The following RBFOX1 variants were observed in gnomAD, a reference collection of about 807,000 sequenced individuals.
The protein encoded by RBFOX1 is RNA binding protein fox-1 homolog 1.
A neutral mutation model predicts 57.7 loss-of-function variants in RBFOX1; 8 were observed. The ratio of observed to expected loss-of-function variants is 0.14; its 90% confidence interval spans 0.08 to 0.25. RBFOX1 has a LOEUF of 0.25. Ranked by LOEUF, RBFOX1 falls within the 10% of genes least tolerant of loss-of-function variation. The probability of loss-of-function intolerance (pLI) is 1.00; values close to 1 mark genes in which losing one functional copy is unlikely to be tolerated. For missense variants in RBFOX1, 611 were observed against 548.5 expected, an observed-to-expected ratio of 1.11 and a Z score of -1.14; for synonymous variants, 326 against 222.4, an observed-to-expected ratio of 1.47 and a Z score of -4.15.
chr16:7,528,468 A>T (rs1432219914), intron 5 of RBFOX1, among the ~76,000 whole-genome samples: 1 of 152,142 alleles, frequency 6.6e-6, no homozygotes. Flanking sequence ...CCCATTAAGC[A>T]ATTTTATTTT....
intron 3 of RBFOX1, among the ~76,000 whole-genome samples, chr16:6,662,106 G>A (rs2098705040): frequency 7.0e-6 from 1 of 143,364 alleles, no homozygotes; most frequent in Non-Finnish European, 1.5e-5. Context: ...GCAGAGAGTA[G>A]GATGGTGGTT....
chr16:6,972,276 A>T (rs2085745906), intron 3 of RBFOX1, among the ~76,000 whole-genome samples: 1 of 151,918 alleles, frequency 6.6e-6, no homozygotes, highest in Admixed American at 6.6e-5. Flanking sequence ...GCCCCTGGTA[A>T]CTGTCATTCT....
intron 4 of RBFOX1, among the ~76,000 whole-genome samples, chr16:5,898,531 T>TG (rs2058223509): frequency 6.6e-6 from 1 of 151,912 alleles, no homozygotes; most frequent in Admixed American, 6.6e-5. Flanking sequence ...CAGGGTTTTT[T>TG]TTTTTTTGGT....
At chr16:7,020,163 A>G (rs954721484) in intron 3 of RBFOX1, among the ~76,000 whole-genome samples, 2 of 152,018 alleles carry the variant, frequency 1.3e-5, no homozygotes, top group Admixed American at 6.6e-5. Flanking sequence ...CTTTTATGCC[A>G]TCTTTATACC....
At chr16:6,647,497 C>G (rs1189193024) in intron 2 of RBFOX1, among the ~76,000 whole-genome samples, 1 of 152,120 alleles carries the variant, frequency 6.6e-6, no homozygotes, top group Non-Finnish European at 1.5e-5. Flanking sequence ...ATATACCTGC[C>G]TTAGACTCCC....
chr16:7,661,266 C>G (rs758384897), intron 12 of RBFOX1, among the ~76,000 whole-genome samples: 1 of 152,158 alleles, frequency 6.6e-6, no homozygotes. Context: ...ACTTTGAAAA[C>G]AAGTAATCCC....
At chr16:5,395,636 A>G (rs2066530520) in intron 1 of RBFOX1, among the ~76,000 whole-genome samples, 1 of 152,122 alleles carries the variant, frequency 6.6e-6, no homozygotes, top group African/African-American at 2.4e-5. Context: ...ACTTTGTGTG[A>G]TCCCCTCCCG....
intron 2 of RBFOX1, among the ~76,000 whole-genome samples, chr16:5,548,440 G>A (rs1166607075): frequency 6.6e-6 from 1 of 151,646 alleles, no homozygotes; most frequent in Non-Finnish European, 1.5e-5. Flanking sequence ...CACCTATTTG[G>A]TAGCACAATA....
intron 1 of RBFOX1, among the ~76,000 whole-genome samples, chr16:6,043,120 GAAAAAAAA>G (rs570358262): frequency 3.6e-4 from 25 of 70,218 alleles, no homozygotes; most frequent in Non-Finnish European, 5.0e-4. Flanking sequence ...TGTGTTTCCA[GAAAAAAAA>G]AAAAAAAAAA....
chr16:7,536,838 G>C (rs1480243360), intron 5 of RBFOX1, among the ~76,000 whole-genome samples: 2 of 152,188 alleles, frequency 1.3e-5, no homozygotes, highest in South Asian at 2.1e-4. Context: ...CTACAGATGA[G>C]GGCTTTTCTG....
intron 3 of RBFOX1, among the ~76,000 whole-genome samples, chr16:6,724,510 C>T (rs11645090): frequency 4.6e-5 from 7 of 151,938 alleles, no homozygotes; most frequent in Admixed American, 1.3e-4. Flanking sequence ...ACCTGGCTGC[C>T]ATCTTCTGTG....
At chr16:5,583,906 G>T (rs144625126) in intron 2 of RBFOX1, among the ~76,000 whole-genome samples, 1 of 152,206 alleles carries the variant, frequency 6.6e-6, no homozygotes, top group Non-Finnish European at 1.5e-5. Flanking sequence ...TGTAGAGTTT[G>T]TCTGGTGGTG....
At chr16:6,004,201 A>AT (rs1026391654) in intron 4 of RBFOX1, among the ~76,000 whole-genome samples, 2 of 152,066 alleles carry the variant, frequency 1.3e-5, no homozygotes, top group South Asian at 2.1e-4. Context: ...ATAAAATAAA[A>AT]TTTTTTTTAA....
At chr16:7,663,189 A>C (rs2068226392) in intron 12 of RBFOX1, among the ~76,000 whole-genome samples, 1 of 152,158 alleles carries the variant, frequency 6.6e-6, no homozygotes, top group Non-Finnish European at 1.5e-5. Context: ...CTGACCCCCC[A>C]ACCGACATTC....
chr16:6,616,860 C>T (rs188388590), intron 2 of RBFOX1, among the ~76,000 whole-genome samples: 23 of 152,348 alleles, frequency 1.5e-4, no homozygotes, highest in Admixed American at 4.6e-4. Flanking sequence ...TATGGGCCAC[C>T]TCTAGCCTCT....
chr16:5,438,741 C>G (rs1044693173), intron 1 of RBFOX1, among the ~76,000 whole-genome samples: 1 of 152,126 alleles, frequency 6.6e-6, no homozygotes, highest in Non-Finnish European at 1.5e-5. Context: ...TCCTTCTACC[C>G]TGGCCTGTGA....
At chr16:6,993,696 G>A (rs1024124087) in intron 3 of RBFOX1, among the ~76,000 whole-genome samples, 1 of 152,102 alleles carries the variant, frequency 6.6e-6, no homozygotes, top group African/African-American at 2.4e-5. Context: ...TATATTTAAT[G>A]TTTCTCCCTC....
At chr16:5,687,203 A>G (rs2151449743) in intron 3 of RBFOX1, among the ~76,000 whole-genome samples, 1 of 152,308 alleles carries the variant, frequency 6.6e-6, no homozygotes, top group Middle Eastern at 3.4e-3. Flanking sequence ...GAGACAATTA[A>G]GGTTGAATGT....
intron 14 of RBFOX1, among the ~76,000 whole-genome samples, chr16:7,707,593 T>C (rs762317363): frequency 2.1e-4 from 32 of 152,148 alleles, no homozygotes; most frequent in Non-Finnish European, 2.6e-4. Flanking sequence ...GCTGTGAATG[T>C]TGGTTGCTAA....
Sources: allele counts gnomAD v4.1 joint callset (sites outside exome capture counted in the v4.1 genomes callset), GRCh38; gene constraint gnomAD v4.1.1; transcripts MANE v1.5; gene names NCBI Gene and HGNC (gene_info 2026-07-23, HGNC 2026-07-21).